The following AGXT2 variants were observed in gnomAD, a reference collection of about 807,000 sequenced individuals.
AGXT2 encodes the protein alanine--glyoxylate aminotransferase 2.
AGXT2 carries 61 observed loss-of-function variants against 62.5 expected under a neutral mutation model. That is an observed-to-expected ratio of 0.98 (90% CI 0.79 to 1.21). The LOEUF (loss-of-function observed/expected upper bound fraction) is 1.21. AGXT2 is among the 50% of genes most tolerant of loss of function. The pLI, the probability that AGXT2 is intolerant of heterozygous loss-of-function variation, is 0.00. For synonymous variants in AGXT2, 243 were observed against 218.7 expected (o/e 1.11, Z -0.98); for missense variants, 666 against 641.5 (o/e 1.04, Z -0.41).
chr5:35,039,488 G>A lies in AGXT2; in HGVS notation c.198C>T (p.Val66=). The change falls in exon 3 of 14, where the codon GTC becomes GTT. Residue 66 remains valine, a synonymous_variant. Transcript: ENST00000231420. ...AAAGATGTTCCTTGTGGATTTCCAG[G>A]ACACGGTTGTAGCCAAGGGACTGTA... The part of the protein sequence containing the change: ...ERYQSLGYNR[V]LEIHKEHLSP... 1 of 1,613,876 alleles carries A rather than the reference G, an allele frequency of 6.2e-7. No individual in the cohort carries two copies. Among genetic ancestry groups the A allele is most frequent in the Non-Finnish European group, 8.5e-7 (1 of 1,179,866 alleles).
chr5:35,024,594 T>G (rs886289639), intron 9 of AGXT2, among the ~76,000 whole-genome samples: 1 of 152,220 alleles, frequency 6.6e-6, no homozygotes, highest in Non-Finnish European at 1.5e-5. Flanking sequence ...TTACAATTTT[T>G]GGGGAACTAT....
At chr5:35,006,780 G>C (rs1379486364) in intron 12 of AGXT2, among the ~76,000 whole-genome samples, 1 of 152,130 alleles carries the variant, frequency 6.6e-6, no homozygotes, top group African/African-American at 2.4e-5. Context: ...GAATATGAGA[G>C]TACCTATCCT....
chr5:35,036,824 T>A, intron 4 of AGXT2, 118 bp downstream of exon 4: 1 of 1,483,216 alleles, frequency 6.7e-7, no homozygotes, highest in African/African-American at 1.4e-5. Flanking sequence ...CCTGCCCATG[T>A]CCCTGCTTCC....
chr5:35,012,756 CA>C (rs1364517372), intron 11 of AGXT2, 197 bp downstream of exon 11: 1 of 608,216 alleles, frequency 1.6e-6, no homozygotes, highest in African/African-American at 1.9e-5. Flanking sequence ...ATTTCTTATC[CA>C]ATACTTTCAG....
chr5:35,016,511 C>T (rs1388369370), intron 9 of AGXT2, among the ~76,000 whole-genome samples: 1 of 152,090 alleles, frequency 6.6e-6, no homozygotes, highest in Admixed American at 6.6e-5. Flanking sequence ...AAAGTTTATC[C>T]TTGCTGCAGC....
intron 3 of AGXT2, 123 bp downstream of exon 3, chr5:35,039,201 G>A (rs2112283246): frequency 6.8e-6 from 8 of 1,182,880 alleles, no homozygotes; most frequent in Non-Finnish European, 8.8e-6. Flanking sequence ...GAGTATGTCA[G>A]CCACAATCTG....
At chr5:35,005,026 G>A (rs1433076270) in intron 12 of AGXT2, among the ~76,000 whole-genome samples, 1 of 152,198 alleles carries the variant, frequency 6.6e-6, no homozygotes, top group Non-Finnish European at 1.5e-5. Flanking sequence ...CTGAGGGAGA[G>A]GGAAGGACTA....
intron 9 of AGXT2, among the ~76,000 whole-genome samples, chr5:35,024,394 C>T (rs1014704250): frequency 2.0e-5 from 3 of 152,168 alleles, no homozygotes; most frequent in African/African-American, 7.2e-5. Context: ...ATCTCCATAG[C>T]TACTCTCAGT....
intron 13 of AGXT2, among the ~76,000 whole-genome samples, chr5:35,002,783 G>T (rs1186374262): frequency 6.6e-6 from 1 of 151,888 alleles, no homozygotes; most frequent in Non-Finnish European, 1.5e-5. Flanking sequence ...GGCTGGGGGG[G>T]GGGACTAACA....
intron 7 of AGXT2, chr5:35,026,944 T>G: frequency 1.0e-6 from 1 of 985,194 alleles, no homozygotes; most frequent in South Asian, 4.7e-5. Context: ...GATGTACCGT[T>G]TTAAAGCTAC....
At chr5:35,013,097 A>G (rs181398397) in intron 10 of AGXT2, 52 bp from the exon 11 acceptor site, 3 of 1,468,862 alleles carry the variant, frequency 2.0e-6, no homozygotes, top group Non-Finnish European at 1.9e-6. Flanking sequence ...CCTGTCCACA[A>G]TCTCTCATCG....
At chr5:35,033,199 G>A in intron 6 of AGXT2, 1 of 501,124 alleles carries the variant, frequency 2.0e-6, no homozygotes. Flanking sequence ...GTGCATTCAA[G>A]ATTCTCAGAG....
chr5:35,010,140 C>T lies in AGXT2; in HGVS notation c.1198G>A (p.Glu400Lys). 6.2e-7 allele frequency: 1 copy of T among 1,614,190 alleles called. No individual in the cohort carries two copies. Among genetic ancestry groups the T allele is most frequent in the Non-Finnish European group, 8.5e-7 (1 of 1,180,030 alleles). ...IGSAVLEVIK[E>K]ENLQENSQEV... ...TGACTGTTTTCCTGTAGATTTTCTT[C>T]TTTAATCACCTGTTAAGAGAAAGCC... Residue 400 changes from glutamate to lysine, a missense_variant, in exon 12 of 14, where the codon GAA becomes AAA. Transcript: ENST00000231420.
At chr5:35,035,427 T>G (rs928405776) in intron 4 of AGXT2, 111 bp from the exon 5 acceptor site, 13 of 865,268 alleles carry the variant, frequency 1.5e-5, no homozygotes, top group African/African-American at 3.3e-5. Flanking sequence ...GAGAGTTCCC[T>G]TCAGACCAGC....
rs539074663 is a variant in AGXT2 at position 35,030,283 on chromosome 5, G to A, written c.769+2449C>T. 3.3e-5 allele frequency among the ~76,000 whole-genome samples: 5 copies of A among 152,266 alleles called. No homozygotes were observed. In the East Asian group the frequency reaches 5.8e-4, roughly 18 times the overall value. On this transcript the variant is annotated intron_variant, in intron 7 of 13. Coordinates refer to ENST00000231420, the MANE Select transcript of AGXT2 (RefSeq NM_031900.4). ...AGCACTTTGGGAGGCCAAGGCGAGC[G>A]GATCACCTGAAGTCAGGAGTTCGAG...
chr5:35,026,305 C>T, intron 8 of AGXT2, 105 bp downstream of exon 8: 2 of 919,082 alleles, frequency 2.2e-6, no homozygotes, highest in Admixed American at 3.8e-5. Flanking sequence ...TAGAGAGGGA[C>T]ACAGTGAGCA....
At chr5:35,000,064 G>T (rs1364632217) in intron 13 of AGXT2, among the ~76,000 whole-genome samples, 1 of 152,154 alleles carries the variant, frequency 6.6e-6, no homozygotes, top group Non-Finnish European at 1.5e-5. Context: ...AAAAAGACTG[G>T]TTGGTGCTTA....
intron 8 of AGXT2, 167 bp from the exon 9 acceptor site, chr5:35,026,022 T>C: frequency 1.5e-6 from 1 of 675,558 alleles, no homozygotes; most frequent in Non-Finnish European, 2.6e-6. Context: ...GACTTATTAC[T>C]CTATACCATG....
intron 7 of AGXT2, among the ~76,000 whole-genome samples, chr5:35,027,992 G>T (rs1466540138): frequency 6.6e-6 from 1 of 151,646 alleles, no homozygotes; most frequent in Non-Finnish European, 1.5e-5. Flanking sequence ...GGATGAAGAT[G>T]TGGCCTCTTG....
Sources: allele counts gnomAD v4.1 joint callset (sites outside exome capture counted in the v4.1 genomes callset), GRCh38; gene constraint gnomAD v4.1.1; transcripts MANE v1.5; gene names NCBI Gene and HGNC (gene_info 2026-07-23, HGNC 2026-07-21).